The following ME1 variants were observed in gnomAD, a reference collection of about 807,000 sequenced individuals.
ME1 encodes the protein malic enzyme 1, also known as NADP-dependent malic enzyme.
ME1 carries 74 observed loss-of-function variants against 66.4 expected under a neutral mutation model. The ratio of observed to expected loss-of-function variants is 1.11; its 90% CI spans 0.92 to 1.35. The LOEUF is 1.35. Among genes scored for constraint, ME1 ranks in the 40% most tolerant of loss-of-function variants. The probability of loss-of-function intolerance (pLI) is 0.00; values close to 1 mark genes in which losing one functional copy is unlikely to be tolerated. For missense variants in ME1, 750 were observed against 694.1 expected (o/e 1.08, Z -0.90); for synonymous variants, 251 against 235.6 (o/e 1.07, Z -0.60).
At chr6:83,318,843 C>T (rs1768091564) in intron 5 of ME1, among the ~76,000 whole-genome samples, 15 of 101,542 alleles carry the variant, frequency 1.5e-4, no homozygotes, top group South Asian at 7.3e-4. Context: ...GCTATAAAGA[C>T]ACATGCACAC....
chr6:83,423,059 T>C (rs893338230), intron 1 of ME1, among the ~76,000 whole-genome samples: 4 of 152,062 alleles, frequency 2.6e-5, no homozygotes, highest in African/African-American at 9.7e-5. Context: ...AGAAACATTA[T>C]ATTTAAGATT....
At chr6:83,388,141 G>A (rs1390336809) in intron 3 of ME1, among the ~76,000 whole-genome samples, 2 of 138,640 alleles carry the variant, frequency 1.4e-5, no homozygotes, top group African/African-American at 2.7e-5. Flanking sequence ...TAGAAAGAGT[G>A]CAGTGGTGTA....
rs1347644572 is a variant in ME1 at position 83,392,568 on chromosome 6, C to A, written c.362+5799G>T. 3 of 548,712 alleles carry A rather than the reference C, an allele frequency of 5.5e-6. No homozygotes were observed. The Admixed American group carries it at 5.8e-5, about 11-fold the overall frequency. The allele number at this position is 548,712 out of a possible 1,614,324, so 34.0% of individuals were successfully genotyped here. On this transcript the variant is annotated intron_variant, in intron 3 of 13. Transcript: ENST00000369705. ...CTGTCTACATGTTCCAGTATAATTC[C>A]GCCCATGGCAAATTCCACGGCACCG...
chr6:83,421,086 C>T (rs1028575786), intron 1 of ME1, among the ~76,000 whole-genome samples: 1 of 152,116 alleles, frequency 6.6e-6, no homozygotes, highest in African/African-American at 2.4e-5. Context: ...ACTTGCTCTT[C>T]TCCTTCACAG....
At position 83,219,147 on chromosome 6, in the gene ME1, C is replaced by A. The variant is rs765102930; in HGVS notation, c.1450-2551G>T. On this transcript the variant is annotated intron_variant, in intron 12 of 13. Coordinates refer to ENST00000369705, the MANE Select transcript of ME1 (RefSeq NM_002395.6). The stretch of plus-strand genomic sequence containing the variant: ...AACAATGACTGGGGCAAAATAAAAC[C>A]ATTTTATGTTAATTGCTCCACTGAA... Among the ~76,000 whole-genome samples, 36 of 152,142 alleles carry A rather than the reference C, an allele frequency of 2.4e-4. 1 individual carries two copies. The highest frequency in any genetic ancestry group is 2.9e-5 in the Non-Finnish European group (2 of 68,006).
chr6:83,423,269 C>T (rs1770306384), intron 1 of ME1, among the ~76,000 whole-genome samples: 1 of 150,516 alleles, frequency 6.6e-6, no homozygotes, highest in Admixed American at 6.6e-5. Context: ...ATATCCTTCA[C>T]AAATGAAGAT....
intron 5 of ME1, among the ~76,000 whole-genome samples, chr6:83,343,431 G>C (rs1768627749): frequency 6.6e-6 from 1 of 152,206 alleles, no homozygotes; most frequent in Non-Finnish European, 1.5e-5. Flanking sequence ...CCGGTGACCT[G>C]TCAAAGAGTT....
intron 11 of ME1, among the ~76,000 whole-genome samples, chr6:83,226,716 T>C (rs1422721794): frequency 2.0e-5 from 3 of 152,208 alleles, no homozygotes; most frequent in Admixed American, 6.5e-5. Flanking sequence ...AAATAAACAT[T>C]TTAGATAGAT....
At chr6:83,301,019 G>A (rs987057021) in intron 6 of ME1, among the ~76,000 whole-genome samples, 1 of 152,032 alleles carries the variant, frequency 6.6e-6, no homozygotes, top group Non-Finnish European at 1.5e-5. Flanking sequence ...ACACAGGAAG[G>A]GGAACATCAC....
At chr6:83,385,741 G>A (rs1485113073) in intron 3 of ME1, among the ~76,000 whole-genome samples, 1 of 151,694 alleles carries the variant, frequency 6.6e-6, no homozygotes, top group Non-Finnish European at 1.5e-5. Context: ...AGACAGTTTG[G>A]TATTTTAAAC....
intron 1 of ME1, among the ~76,000 whole-genome samples, chr6:83,419,712 A>G (rs1770230774): frequency 6.6e-6 from 1 of 152,178 alleles, no homozygotes; most frequent in South Asian, 2.1e-4. Flanking sequence ...AATTTTCAAG[A>G]ATATTACATT....
intron 5 of ME1, among the ~76,000 whole-genome samples, chr6:83,332,549 T>A (rs1432826924): frequency 6.6e-6 from 1 of 152,214 alleles, no homozygotes; most frequent in East Asian, 1.9e-4. Flanking sequence ...AATTTTCACA[T>A]ATATATCATA....
In ME1 at chr6:83,346,319, C is replaced by G; in HGVS notation, c.454G>C (p.Asp152His). 6.2e-7 allele frequency: 1 copy of G among 1,606,570 alleles called. No homozygotes were observed. Reference protein sequence around the residue: ...EDVIKAIVVTDGERILGLGDL... With the variant: ...EDVIKAIVVTHGERILGLGDL... The stretch of plus-strand genomic sequence containing the variant: ...CCCAAGCCAAGAATACGCTCTCCAT[C>G]AGTCACCACAATGGCCTGGAAGAAA... The change falls in exon 5 of 14, where the codon GAT (aspartate) becomes CAT (histidine). Residue 152 changes from aspartate to histidine, a missense_variant. Asp to His is a moderately conservative substitution (Grantham distance 81). Transcript: ENST00000369705.
intron 3 of ME1, among the ~76,000 whole-genome samples, chr6:83,395,480 CT>C (rs202031901): frequency 0.065 from 9,137 of 141,082 alleles, 510 homozygotes; most frequent in East Asian, 0.16. Context: ...TAAATCTTTT[CT>C]TTTTTTTTTT....
At chr6:83,275,911 A>C (rs1304707882) in intron 6 of ME1, among the ~76,000 whole-genome samples, 1 of 146,916 alleles carries the variant, frequency 6.8e-6, no homozygotes, top group Non-Finnish European at 1.5e-5. Context: ...CTGGGACTAC[A>C]GGTGCACACC....
chr6:83,315,510 A>G, intron 5 of ME1, 97 bp from the exon 6 acceptor site: 1 of 711,940 alleles, frequency 1.4e-6, no homozygotes, highest in Non-Finnish European at 2.4e-6. Flanking sequence ...CAAAAATAGA[A>G]ATAAAATCTT....
intron 6 of ME1, among the ~76,000 whole-genome samples, chr6:83,284,926 C>A (rs1430439486): frequency 2.0e-5 from 3 of 152,060 alleles, no homozygotes; most frequent in Non-Finnish European, 1.5e-5. Context: ...GAGTAGTATT[C>A]CATGGTATAT....
At chr6:83,408,891 G>GTA (rs1769994437) in intron 1 of ME1, among the ~76,000 whole-genome samples, 2 of 152,142 alleles carry the variant, frequency 1.3e-5, no homozygotes, top group South Asian at 4.1e-4. Context: ...TGATATGATA[G>GTA]TTGGTGTTAT....
intron 3 of ME1, among the ~76,000 whole-genome samples, chr6:83,362,841 C>A (rs960353876): frequency 3.9e-5 from 6 of 152,314 alleles, no homozygotes; most frequent in South Asian, 2.1e-4. Context: ...ACAGCATTGC[C>A]TCTAACAAAG....
Sources: gnomAD v4.1 joint callset for allele counts (sites outside exome capture counted in the v4.1 genomes callset) on GRCh38, gnomAD v4.1.1 for gene constraint, MANE v1.5 for transcripts, NCBI Gene and HGNC (gene_info 2026-07-23, HGNC 2026-07-21) for gene names.